Variants in ADAMTS6 observed in about 807,000 individuals in gnomAD.
ADAMTS6 encodes the protein ADAM metallopeptidase with thrombospondin type 1 motif 6.
A neutral mutation model predicts 144.3 loss-of-function variants in ADAMTS6; 23 were observed. The ratio of observed to expected loss-of-function variants is 0.16; its 90% CI spans 0.11 to 0.23. The LOEUF (loss-of-function observed/expected upper bound fraction) is 0.23. Among genes scored for constraint, ADAMTS6 ranks in the 10% least tolerant of loss-of-function variants. The pLI, the probability that ADAMTS6 is intolerant of heterozygous loss-of-function variation, is 1.00. For missense variants in ADAMTS6, 999 were observed against 1,379.6 expected, an observed-to-expected ratio of 0.72 and a Z score of 4.37; for synonymous variants, 444 against 457.5, an observed-to-expected ratio of 0.97 and a Z score of 0.38.
At chr5:65,467,113 C>T (rs191612481) in intron 3 of ADAMTS6, among the ~76,000 whole-genome samples, 60 of 149,402 alleles carry the variant, frequency 4.0e-4, no homozygotes, top group Admixed American at 6.7e-4. Context: ...AGAAATATGA[C>T]TGCTGTAATT....
At chr5:65,378,387 T>C (rs1281766065) in intron 7 of ADAMTS6, among the ~76,000 whole-genome samples, 1 of 152,186 alleles carries the variant, frequency 6.6e-6, no homozygotes, top group Non-Finnish European at 1.5e-5. Flanking sequence ...TTTATTCTCA[T>C]GGTACTAATT....
intron 18 of ADAMTS6, among the ~76,000 whole-genome samples, 182 bp downstream of exon 18, chr5:65,224,138 A>G (rs968726786): frequency 6.6e-6 from 1 of 152,142 alleles, no homozygotes; most frequent in Non-Finnish European, 1.5e-5. Flanking sequence ...GTGAAGAGTA[A>G]GCTATAAACT....
chr5:65,268,473 C>G (rs1761801289), intron 12 of ADAMTS6, among the ~76,000 whole-genome samples: 1 of 152,036 alleles, frequency 6.6e-6, no homozygotes, highest in Admixed American at 6.6e-5. Flanking sequence ...ATGCTGTATC[C>G]AAGGAAAGCT....
At chr5:65,208,438 G>GAA (rs1279908327) in intron 20 of ADAMTS6, among the ~76,000 whole-genome samples, 2 of 152,086 alleles carry the variant, frequency 1.3e-5, no homozygotes, top group Non-Finnish European at 2.9e-5. Context: ...GAAGGCATTT[G>GAA]AAAAAATGAA....
At chr5:65,218,784 T>G (rs1330130235) in intron 18 of ADAMTS6, among the ~76,000 whole-genome samples, 1 of 151,946 alleles carries the variant, frequency 6.6e-6, no homozygotes, top group African/African-American at 2.4e-5. Flanking sequence ...TAACCATATA[T>G]TGTGGGATTT....
At chr5:65,469,576 T>C (rs1210662809) in intron 3 of ADAMTS6, among the ~76,000 whole-genome samples, 4 of 152,336 alleles carry the variant, frequency 2.6e-5, no homozygotes, top group African/African-American at 4.8e-5. Context: ...GAGAAACTAG[T>C]AATGAGTATA....
chr5:65,152,777 C>T (rs183398730), intron 24 of ADAMTS6, among the ~76,000 whole-genome samples: 2 of 152,320 alleles, frequency 1.3e-5, no homozygotes, highest in African/African-American at 4.8e-5. Context: ...CTCCCCCTGG[C>T]TCCATACAAC....
intron 15 of ADAMTS6, among the ~76,000 whole-genome samples, chr5:65,235,881 A>T (rs1758633928): frequency 6.6e-6 from 1 of 152,232 alleles, no homozygotes; most frequent in African/African-American, 2.4e-5. Flanking sequence ...AGGTCATATT[A>T]ACCAATTACC....
intron 1 of ADAMTS6, among the ~76,000 whole-genome samples, chr5:65,475,744 T>C (rs1455677224): frequency 6.6e-6 from 1 of 152,122 alleles, no homozygotes; most frequent in Admixed American, 6.6e-5. Context: ...TAAACAATAT[T>C]AGTAATAATA....
intron 22 of ADAMTS6, among the ~76,000 whole-genome samples, chr5:65,186,879 C>T (rs765971671): frequency 2.6e-5 from 4 of 152,228 alleles, no homozygotes; most frequent in Non-Finnish European, 4.4e-5. Context: ...AGAATCTCCA[C>T]TTCCATGTAC....
intron 1 of ADAMTS6, among the ~76,000 whole-genome samples, chr5:65,478,015 T>C (rs1254065447): frequency 1.3e-5 from 2 of 151,850 alleles, no homozygotes; most frequent in Admixed American, 6.6e-5. Flanking sequence ...TAATCCCAGC[T>C]ACTCAGGGGG....
chr5:65,292,373 T>C (rs1357711798), intron 10 of ADAMTS6, among the ~76,000 whole-genome samples: 3 of 151,296 alleles, frequency 2.0e-5, no homozygotes, highest in Admixed American at 2.0e-4. Context: ...CTGTCCATTG[T>C]GCCAGCACTT....
chr5:65,278,154 T>C (rs10053096), intron 11 of ADAMTS6, among the ~76,000 whole-genome samples: 44,343 of 152,072 alleles, frequency 0.29, 6,696 homozygotes, highest in Admixed American at 0.37. Flanking sequence ...CTGCAAGACA[T>C]ACTTTGATCC....
intron 9 of ADAMTS6, among the ~76,000 whole-genome samples, chr5:65,322,027 T>C (rs776534995): frequency 1.1e-4 from 17 of 152,128 alleles, no homozygotes; most frequent in Non-Finnish European, 2.1e-4. Context: ...TCAATCCATC[T>C]TGAGTTAATT....
chr5:65,264,115 C>A (rs932573271), intron 12 of ADAMTS6, among the ~76,000 whole-genome samples: 13 of 152,156 alleles, frequency 8.5e-5, no homozygotes, highest in African/African-American at 3.1e-4. Context: ...CTTACCTGAT[C>A]ATTGTGCTTC....
Position 65,321,708 on chromosome 5 carries a change from CTTTTTTTT to C in ADAMTS6, c.1223+7662_1223+7669del, listed in dbSNP as rs529236363. ...GTCTTCAATCCATCTTTTTCTTTTCCTTTTTTTTTTTTTTTTTTTTTTTTTGAGACGGA... is the reference window on the plus strand; with the variant it reads ...GTCTTCAATCCATCTTTTTCTTTTCCTTTTTTTTTTTTTTTTTGAGACGGA... On this transcript the variant is annotated intron_variant, in intron 9 of 24. Transcript: ENST00000381055. Among the ~76,000 whole-genome samples, 37 of 78,890 alleles carry C rather than the reference CTTTTTTTT, an allele frequency of 4.7e-4. No homozygotes were observed. The East Asian group carries it at 0.016, about 34-fold the overall frequency. The allele number at this position is 78,890 out of a possible 152,430, so 51.8% of individuals were successfully genotyped here.
rs541664675 is a variant in ADAMTS6, at chr5:65,441,085, T to C, written c.1073+10390A>G. On this transcript the variant is annotated intron_variant, in intron 7 of 24. Transcript: ENST00000381055. ...AAACTGACACATATAATAAAGTTAGTAGACAAAATGTTTAAAATAGTTTTT... is the reference window on the plus strand; with the variant it reads ...AAACTGACACATATAATAAAGTTAGCAGACAAAATGTTTAAAATAGTTTTT... 2.0e-5 allele frequency among the ~76,000 whole-genome samples: 3 copies of C among 152,286 alleles called. No homozygotes were observed. In the South Asian group the frequency reaches 6.2e-4, roughly 32 times the overall value.
chr5:65,451,436 C>T lies in ADAMTS6; in HGVS notation c.1073+39G>A, dbSNP rs374250194. 4.8e-4 allele frequency: 778 copies of T among 1,610,898 alleles called. 3 individuals carry two copies. The highest frequency in any genetic ancestry group is 1.3e-3 in the South Asian group (119 of 90,574). ...CAAATTTATTACAATAGTGAATAAACACAACAATCAATGGAAAAATACTTG... is the reference window on the plus strand; with the variant it reads ...CAAATTTATTACAATAGTGAATAAATACAACAATCAATGGAAAAATACTTG... On this transcript the variant is annotated intron_variant, in intron 7 of 24. Coordinates refer to ENST00000381055, the MANE Select transcript of ADAMTS6 (RefSeq NM_197941.4).
chr5:65,215,078 C>T, intron 19 of ADAMTS6, 146 bp from the exon 20 acceptor site: 1 of 1,167,968 alleles, frequency 8.6e-7, no homozygotes, highest in Non-Finnish European at 1.2e-6. Flanking sequence ...CAAATTTTCT[C>T]CTCCCATTTT....
Sources: allele counts gnomAD v4.1 joint callset (sites outside exome capture counted in the v4.1 genomes callset), GRCh38; gene constraint gnomAD v4.1.1; transcripts MANE v1.5; gene names NCBI Gene and HGNC (gene_info 2026-07-23, HGNC 2026-07-21).